The following PFKFB2 variants were observed in gnomAD, a reference collection of about 807,000 sequenced individuals.
PFKFB2 encodes 6-phosphofructo-2-kinase/fructose-2,6-bisphosphatase 2.
A neutral mutation model predicts 68.0 loss-of-function variants in PFKFB2; 53 were observed. That is an observed-to-expected ratio of 0.78 (90% confidence interval 0.63 to 0.98). The LOEUF (loss-of-function observed/expected upper bound fraction) is 0.98, where lower values mean the gene tolerates loss of function less well. PFKFB2 is among the 50% of genes least tolerant of loss of function. The pLI is 0.00. For missense variants in PFKFB2, 451 were observed against 642.0 expected (o/e 0.70, Z 3.22); for synonymous variants, 222 against 227.6 (o/e 0.98, Z 0.22).
intron 3 of PFKFB2, 157 bp from the exon 4 acceptor site, chr1:207,062,463 C>T: frequency 2.5e-6 from 3 of 1,191,136 alleles, no homozygotes; most frequent in Non-Finnish European, 3.6e-6. Context: ...GGCTTGAACC[C>T]AACTCTTTTG....
chr1:207,057,578 A>C (rs1419613960), intron 2 of PFKFB2, among the ~76,000 whole-genome samples: 2 of 149,860 alleles, frequency 1.3e-5, no homozygotes, highest in Non-Finnish European at 3.0e-5. Flanking sequence ...AAATTCTTCC[A>C]TGTACCTTTC....
At chr1:207,056,256 A>ATC in intron 2 of PFKFB2, among the ~76,000 whole-genome samples, 1 of 152,118 alleles carries the variant, frequency 6.6e-6, no homozygotes, top group East Asian at 1.9e-4. Flanking sequence ...TTTATATTGA[A>ATC]TCATACTCAA....
Position 207,077,769 on chromosome 1 carries a change from T to A in PFKFB2, c.*5398T>A, listed in dbSNP as rs112930070. 1,290 of 985,832 alleles carry A rather than the reference T, an allele frequency of 1.3e-3. 18 individuals are homozygous for A. In the African/African-American group the frequency reaches 0.022, roughly 16 times the overall value. The allele number at this position is 985,832 out of a possible 1,614,324, so 61.1% of individuals were successfully genotyped here. ...ACTGTATTTGAAATGTGTTTTTGTG[T>A]GCGTGTGTGTAGAATGGGTAAATAA... On this transcript the variant is annotated 3_prime_UTR_variant, in exon 15 of 15. Transcript: ENST00000367080.
Position 207,073,824 on chromosome 1 carries a change from A to G in PFKFB2, c.*1453A>G. ...CCAATTTTGCATGCAAAATGTACGA[A>G]TATATGTATGTTTTTCTGAGAGGCA... On this transcript the variant is annotated 3_prime_UTR_variant, in exon 15 of 15. Coordinates refer to ENST00000367080, the MANE Select transcript of PFKFB2 (RefSeq NM_006212.2). 1 of 985,382 alleles carries G rather than the reference A, an allele frequency of 1.0e-6. No individual in the cohort carries two copies. The highest frequency in any genetic ancestry group is 1.2e-6 in the Non-Finnish European group (1 of 829,914). 61.0% of individuals were successfully genotyped at this position (985,382 alleles called of 1,614,324 possible). A position where few individuals can be genotyped will look rare whatever the true frequency, so the allele number is the denominator to read the frequency against.
upstream of PFKFB2, chr1:207,048,689 C>T (rs150777774): frequency 8.2e-4 from 194 of 236,384 alleles, 1 homozygote; most frequent in East Asian, 0.016. Context: ...AAATGTGATG[C>T]TTTCTTCTAC....
At position 207,071,717 on chromosome 1, in the gene PFKFB2, G is replaced by T. The variant is rs2102280667; in HGVS notation, c.1350+144G>T. On this transcript the variant is annotated intron_variant, in intron 14 of 14. Transcript: ENST00000367080. ...CGTCCAAATGTAGTTTGCTACGTCT[G>T]AAACTGATGTTGGAATTATTTTTTT... The T allele has an allele frequency of 6.4e-6, 4 of 620,678 alleles. No homozygotes were observed. In the Middle Eastern group the frequency reaches 8.1e-4, roughly 125 times the overall value. The allele number at this position is 620,678 out of a possible 1,614,324, so 38.4% of individuals were successfully genotyped here.
intron 1 of PFKFB2, among the ~76,000 whole-genome samples, chr1:207,040,614 T>G (rs936134275): frequency 2.0e-5 from 3 of 152,198 alleles, no homozygotes; most frequent in African/African-American, 4.8e-5. Context: ...TTTCGTCTGG[T>G]AAACATCCTC....
At chr1:207,035,227 G>A in intron 1 of PFKFB2, 1 of 985,414 alleles carries the variant, frequency 1.0e-6, no homozygotes, top group Non-Finnish European at 1.2e-6. Flanking sequence ...GACTGTCAGA[G>A]GCTAGTTTAT....
At chr1:207,047,516 C>G (rs760081061) in intron 2 of PFKFB2, 1 of 152,670 alleles carries the variant, frequency 6.6e-6, no homozygotes, top group Non-Finnish European at 1.5e-5. Context: ...AAGTGAGATA[C>G]TTAATAAAAA....
downstream of PFKFB2, chr1:207,080,969 G>A (rs59644154): frequency 8.5e-3 from 1,293 of 151,966 alleles, 11 homozygotes; most frequent in African/African-American, 0.029. Context: ...TAAAATATGC[G>A]AGTAATATGT....
chr1:207,041,595 T>C (rs538459273), intron 1 of PFKFB2, among the ~76,000 whole-genome samples: 13 of 152,358 alleles, frequency 8.5e-5, no homozygotes, highest in African/African-American at 2.9e-4. Context: ...TAGTATTCCA[T>C]GGTGTATATG....
In PFKFB2 at chr1:207,072,444, A is replaced by G; in HGVS notation, c.*73A>G. ...CCAGCCCTGGCCTCCTGCCCTTGTC[A>G]CTAATCACCAAGGAGTCATTAACTT... On this transcript the variant is annotated 3_prime_UTR_variant, in exon 15 of 15. Transcript: ENST00000367080. 6.5e-7 allele frequency: 1 copy of G among 1,546,568 alleles called. No homozygotes were observed.
At chr1:207,050,587 C>A (rs973543293), upstream of PFKFB2, 2 of 1,520,620 alleles carry the variant, frequency 1.3e-6, no homozygotes, top group South Asian at 1.2e-5. Flanking sequence ...AAAGCCCCCC[C>A]GCCGACTCAC....
rs1683591381 is a variant in PFKFB2, at chr1:207,075,327, G to A, written c.*2956G>A. The A allele has an allele frequency of 1.0e-6, 1 of 985,324 alleles. No homozygotes were observed. Among genetic ancestry groups the A allele is most frequent in the African/African-American group, 1.7e-5 (1 of 57,234 alleles). 61.0% of individuals were successfully genotyped at this position (985,324 alleles called of 1,614,324 possible). On this transcript the variant is annotated 3_prime_UTR_variant, in exon 15 of 15. Transcript: ENST00000367080. ...GATAGGACATGAGAAATTGGAATTT[G>A]GCAAGCAAGGGCTTCAGCATCCTTT... is the stretch of plus-strand genomic sequence containing the variant.
chr1:207,036,267 C>A (rs1207158874), intron 1 of PFKFB2, among the ~76,000 whole-genome samples: 1 of 152,206 alleles, frequency 6.6e-6, no homozygotes, highest in Non-Finnish European at 1.5e-5. Context: ...TGTCTCCTAC[C>A]TGCTGGTGTC....
upstream of PFKFB2, chr1:207,048,950 A>G (rs1280891276): frequency 3.6e-6 from 5 of 1,393,610 alleles, no homozygotes; most frequent in Non-Finnish European, 4.9e-6. Context: ...GGGTTACCAT[A>G]GCTTATTGGA....
At chr1:207,059,720 G>A (rs1175934465) in intron 2 of PFKFB2, among the ~76,000 whole-genome samples, 1 of 152,142 alleles carries the variant, frequency 6.6e-6, no homozygotes, top group Non-Finnish European at 1.5e-5. Flanking sequence ...GTCACTCTGA[G>A]TACTTCTTGC....
At chr1:207,043,751 CTTAG>C (rs1269702113) in intron 2 of PFKFB2, 2 of 152,510 alleles carry the variant, frequency 1.3e-5, no homozygotes, top group Non-Finnish European at 2.9e-5. Context: ...ATTTTGGTAC[CTTAG>C]TTAAAGATTC....
chr1:207,077,907 G>A, downstream of PFKFB2: 1 of 530,728 alleles, frequency 1.9e-6, no homozygotes, highest in Non-Finnish European at 2.4e-6. Flanking sequence ...TGCTGCACAA[G>A]GATTCAGACT....
Sources: gnomAD v4.1 joint callset for allele counts (sites outside exome capture counted in the v4.1 genomes callset) on GRCh38, gnomAD v4.1.1 for gene constraint, MANE v1.5 for transcripts, NCBI Gene and HGNC (gene_info 2026-07-23, HGNC 2026-07-21) for gene names.